MYLK: variants seen among roughly 807,000 people sequenced by gnomAD.
MYLK encodes myosin light chain kinase, smooth muscle.
In MYLK, 106 loss-of-function variants were observed where a neutral mutation model predicts 203.4. The observed-to-expected ratio is 0.52, with a 90% CI of 0.45 to 0.61. MYLK has a LOEUF of 0.61. MYLK is among the 20% of genes least tolerant of loss of function. The pLI, the probability that MYLK is intolerant of heterozygous loss-of-function variation, is 0.00. For missense variants in MYLK, 2,072 were observed against 2,442.3 expected, an observed-to-expected ratio of 0.85 and a Z score of 3.20; for synonymous variants, 867 against 959.5, an observed-to-expected ratio of 0.90 and a Z score of 1.78.
At chr3:123,807,774 A>C (rs1365530089) in intron 3 of MYLK, among the ~76,000 whole-genome samples, 1 of 152,216 alleles carries the variant, frequency 6.6e-6, no homozygotes, top group Non-Finnish European at 1.5e-5. Flanking sequence ...CAAAGGCCAG[A>C]AATCTCTGTG....
chr3:123,763,437 C>T (rs1254812404), intron 4 of MYLK, among the ~76,000 whole-genome samples: 1 of 152,152 alleles, frequency 6.6e-6, no homozygotes, highest in Non-Finnish European at 1.5e-5. Context: ...GAATACCATT[C>T]CAATAGTTTT....
At chr3:123,798,561 G>A (rs1158316949) in intron 3 of MYLK, among the ~76,000 whole-genome samples, 1 of 152,134 alleles carries the variant, frequency 6.6e-6, no homozygotes, top group African/African-American at 2.4e-5. Flanking sequence ...GAAATCTCCT[G>A]AAGGCCCCAG....
At position 123,638,006 on chromosome 3, in the gene MYLK, C is replaced by T. The variant is rs1316121919; in HGVS notation, c.4961+65G>A. The T allele has an allele frequency of 1.9e-6, 3 of 1,608,554 alleles. No individual in the cohort carries two copies. In the East Asian group the frequency reaches 6.7e-5, roughly 36 times the overall value. Reference sequence around the variant, plus strand: ...GCAGCCTGGGGACCCTCCTGTGGAACCCTCAGCCCCCACCCACTGGTCCAC... The same window carrying T: ...GCAGCCTGGGGACCCTCCTGTGGAATCCTCAGCCCCCACCCACTGGTCCAC... On this transcript the variant is annotated intron_variant, in intron 29 of 33. Coordinates refer to ENST00000360304, the MANE Select transcript of MYLK (RefSeq NM_053025.4).
At chr3:123,697,296 G>A (rs1374566210) in intron 18 of MYLK, among the ~76,000 whole-genome samples, 1 of 152,182 alleles carries the variant, frequency 6.6e-6, no homozygotes, top group Non-Finnish European at 1.5e-5. Flanking sequence ...GATTTTTTGA[G>A]ACAACGCACT....
At chr3:123,869,102 A>T (rs2032553155) in intron 2 of MYLK, among the ~76,000 whole-genome samples, 1 of 152,154 alleles carries the variant, frequency 6.6e-6, no homozygotes. Context: ...TGGGGTGAGC[A>T]GGGCGGCCTA....
intron 3 of MYLK, among the ~76,000 whole-genome samples, chr3:123,831,160 A>G (rs2066311942): frequency 6.6e-6 from 1 of 152,236 alleles, no homozygotes; most frequent in African/African-American, 2.4e-5. Flanking sequence ...AGAGTTAGTC[A>G]GAGCAGCATC....
At position 123,769,151 on chromosome 3, in the gene MYLK, G is replaced by C. The variant is rs113921679; in HGVS notation, c.166-16613C>G. Among the ~76,000 whole-genome samples, 1,108 of 152,132 alleles carry C rather than the reference G, an allele frequency of 7.3e-3. 15 individuals carry two copies. The highest frequency in any genetic ancestry group is 0.024 in the African/African-American group (1,013 of 41,496). On this transcript the variant is annotated intron_variant, in intron 4 of 33. Transcript: ENST00000360304. ...TTCCACATTTCTCTCTGCCCTACAC[G>C]AAGCACAGGACCATATTTTCCATTA...
chr3:123,636,984 G>A (rs2058665142), intron 29 of MYLK, among the ~76,000 whole-genome samples: 2 of 152,138 alleles, frequency 1.3e-5, no homozygotes, highest in African/African-American at 4.8e-5. Context: ...TTATAACACT[G>A]GTTTCTAAAC....
intron 4 of MYLK, among the ~76,000 whole-genome samples, chr3:123,779,336 G>A (rs532401846): frequency 6.6e-6 from 1 of 152,340 alleles, no homozygotes; most frequent in East Asian, 1.9e-4. Context: ...TCAGGTGCCT[G>A]GCTCCCCTCA....
chr3:123,822,342 G>A (rs1390205070), intron 3 of MYLK, among the ~76,000 whole-genome samples: 1 of 152,116 alleles, frequency 6.6e-6, no homozygotes, highest in Non-Finnish European at 1.5e-5. Flanking sequence ...AATGAAACCT[G>A]GTCAAGAGAA....
Position 123,668,709 on chromosome 3 carries a change from T to C in MYLK, c.3653-1522A>G, listed in dbSNP as rs530567764. 6.0e-4 allele frequency among the ~76,000 whole-genome samples: 91 copies of C among 152,240 alleles called. No homozygotes were observed. In the South Asian group the frequency reaches 0.018, roughly 30 times the overall value. ...AAAAGCCACTTCACCAGTGAGATCT[T>C]CCCTAACCACCCCATACAAACAGCA... On this transcript the variant is annotated intron_variant, in intron 20 of 33. Transcript: ENST00000360304.
At chr3:123,817,484 C>A (rs1042762494) in intron 3 of MYLK, among the ~76,000 whole-genome samples, 1 of 152,302 alleles carries the variant, frequency 6.6e-6, no homozygotes, top group South Asian at 2.1e-4. Context: ...TCAGCCCAGG[C>A]CTACAGCTAC....
Position 123,684,563 on chromosome 3 carries a change from T to G in MYLK, c.3566-2253A>C, listed in dbSNP as rs563812304. On this transcript the variant is annotated intron_variant, in intron 19 of 33. Coordinates refer to ENST00000360304, the MANE Select transcript of MYLK (RefSeq NM_053025.4). ...TGTTTTGTTTGGCCCCTTTTTTTTT[T>G]TGAAATGGAATCTCACTCTGTCACC... Among the ~76,000 whole-genome samples, 6 of 152,226 alleles carry G rather than the reference T, an allele frequency of 3.9e-5. No homozygotes were observed. In the East Asian group the frequency reaches 5.8e-4, roughly 15 times the overall value.
chr3:123,745,622 C>G (rs2062991193), intron 5 of MYLK, among the ~76,000 whole-genome samples: 1 of 152,060 alleles, frequency 6.6e-6, no homozygotes, highest in South Asian at 2.1e-4. Context: ...GGAACGGAAT[C>G]CCTTTCTTAG....
At chr3:123,811,269 C>T (rs371368546) in intron 3 of MYLK, among the ~76,000 whole-genome samples, 13 of 152,258 alleles carry the variant, frequency 8.5e-5, no homozygotes, top group African/African-American at 3.1e-4. Context: ...ACAGGATCCT[C>T]CATCAGCTGC....
Position 123,638,118 on chromosome 3 carries a change from G to A in MYLK, c.4914C>T (p.Ile1638=), listed in dbSNP as rs769297491. The A allele has an allele frequency of 9.9e-6, 16 of 1,614,030 alleles. No homozygotes were observed. Among genetic ancestry groups the A allele is most frequent in the East Asian group, 6.7e-5 (3 of 44,888 alleles). ...VAPEVINYEP[I]GYATDMWSIG... Reference sequence around the variant, plus strand: ...TGCTCCACATGTCTGTGGCGTAGCCGATGGGCTCATAGTTGATCACTTCAG... The same window carrying A: ...TGCTCCACATGTCTGTGGCGTAGCCAATGGGCTCATAGTTGATCACTTCAG... Residue 1638 remains isoleucine, a synonymous_variant, in exon 29 of 34, where the codon ATC becomes ATT. Coordinates refer to ENST00000360304, the MANE Select transcript of MYLK (RefSeq NM_053025.4).
chr3:123,722,923 T>C (rs1256266361), intron 12 of MYLK, among the ~76,000 whole-genome samples: 1 of 151,320 alleles, frequency 6.6e-6, no homozygotes, highest in Non-Finnish European at 1.5e-5. Context: ...GCTCCTTTTT[T>C]CCAGAGTCCC....
intron 24 of MYLK, among the ~76,000 whole-genome samples, chr3:123,653,571 T>A (rs2059288644): frequency 1.3e-5 from 2 of 151,798 alleles, no homozygotes; most frequent in South Asian, 4.2e-4. Flanking sequence ...CTGGGAGGGG[T>A]GGCAGCAGGG....
At chr3:123,778,160 T>A (rs1000724401) in intron 4 of MYLK, among the ~76,000 whole-genome samples, 1 of 152,100 alleles carries the variant, frequency 6.6e-6, no homozygotes, top group Non-Finnish European at 1.5e-5. Flanking sequence ...GGGGGGGCGA[T>A]AATTGGTTCT....
Sources: gnomAD v4.1 joint callset for allele counts (sites outside exome capture counted in the v4.1 genomes callset) on GRCh38, gnomAD v4.1.1 for gene constraint, MANE v1.5 for transcripts, NCBI Gene and HGNC (gene_info 2026-07-23, HGNC 2026-07-21) for gene names.